Variants in UGT1A6 observed in about 807,000 individuals in gnomAD.
The protein encoded by UGT1A6 is UDP glucuronosyltransferase family 1 member A6.
In UGT1A6, 32 loss-of-function variants were observed where a neutral mutation model predicts 44.4. The ratio of observed to expected loss-of-function variants is 0.72; its 90% confidence interval spans 0.54 to 0.97. The LOEUF (loss-of-function observed/expected upper bound fraction) is 0.97, where lower values mean the gene tolerates loss of function less well. Ranked by LOEUF, UGT1A6 falls within the 50% of genes least tolerant of loss-of-function variation. The pLI is 0.00. For synonymous variants in UGT1A6, 238 were observed against 248.5 expected, an observed-to-expected ratio of 0.96 and a Z score of 0.40; for missense variants, 685 against 661.9, an observed-to-expected ratio of 1.03 and a Z score of -0.38.
chr2:233,760,308 C>T lies in UGT1A6; in HGVS notation c.862-6726C>T, dbSNP rs780253764. Reference sequence around the variant, plus strand: ...GCGCCATGGCTGTGGAGTCCCAGGGCGGACGCCCACTTGTCCTGGGCCTGC... The same window carrying T: ...GCGCCATGGCTGTGGAGTCCCAGGGTGGACGCCCACTTGTCCTGGGCCTGC... On this transcript the variant is annotated intron_variant, in intron 1 of 4. Transcript: ENST00000305139. 9.9e-6 allele frequency: 16 copies of T among 1,613,678 alleles called. No homozygotes were observed. The highest frequency in any genetic ancestry group is 1.7e-5 in the Admixed American group (1 of 60,028).
chr2:233,719,393 C>T (rs759794462), intron 1 of UGT1A6: 2 of 1,613,946 alleles, frequency 1.2e-6, no homozygotes, highest in Non-Finnish European at 1.7e-6. Context: ...CAAATCCTTC[C>T]TCCTATATTC....
chr2:233,713,010 G>A (rs778526502), intron 1 of UGT1A6: 3 of 1,613,638 alleles, frequency 1.9e-6, no homozygotes, highest in Non-Finnish European at 2.5e-6. Context: ...AGGACTCCAG[G>A]TTCCCCTGCC....
At chr2:233,739,806 T>C (rs11695770) in intron 1 of UGT1A6, among the ~76,000 whole-genome samples, 15,021 of 151,014 alleles carry the variant, frequency 0.099, 1,689 homozygotes, top group African/African-American at 0.28. Context: ...TGGGAAGGCA[T>C]GATTGGTTTT....
chr2:233,754,186 C>T (rs1695414743), intron 1 of UGT1A6: 1 of 159,716 alleles, frequency 6.3e-6, no homozygotes, highest in Non-Finnish European at 1.4e-5. Flanking sequence ...ATTTCACCAC[C>T]ACACAGTAAA....
At chr2:233,713,441 A>G in intron 1 of UGT1A6, 1 of 1,614,120 alleles carries the variant, frequency 6.2e-7, no homozygotes, top group Non-Finnish European at 8.5e-7. Flanking sequence ...ATGTGGTTCT[A>G]ACAGACCCCT....
At chr2:233,757,911 T>G (rs1423273798) in intron 1 of UGT1A6, among the ~76,000 whole-genome samples, 6 of 152,118 alleles carry the variant, frequency 3.9e-5, no homozygotes, top group Non-Finnish European at 8.8e-5. Flanking sequence ...GACGTGTCAC[T>G]CTTTAGCAGC....
chr2:233,772,274 C>T lies in UGT1A6; in HGVS notation c.1314C>T (p.Asn438=), dbSNP rs754238953. Residue 438 remains asparagine, a synonymous_variant, in exon 5 of 5, where the codon AAC becomes AAT. Coordinates refer to ENST00000305139, the MANE Select transcript of UGT1A6 (RefSeq NM_001072.4). ...TCTTTGTGTTTAGTTACAAGGAGAA[C>T]ATCATGCGCCTCTCCAGCCTTCACA... The part of the protein sequence containing the change: ...AVINDKSYKE[N]IMRLSSLHKD... 1.5e-5 allele frequency: 25 copies of T among 1,614,248 alleles called. No individual in the cohort carries two copies. The South Asian group carries it at 1.8e-4, about 11-fold the overall frequency.
intron 4 of UGT1A6, chr2:233,771,569 G>A (rs1337987311): frequency 6.6e-6 from 1 of 152,150 alleles, no homozygotes; most frequent in Non-Finnish European, 1.5e-5. Flanking sequence ...GGCCAGAGGT[G>A]GTTGTTTACA....
At chr2:233,694,448 G>A (rs559666180) in intron 1 of UGT1A6, among the ~76,000 whole-genome samples, 2 of 152,240 alleles carry the variant, frequency 1.3e-5, no homozygotes, top group Admixed American at 1.3e-4. Context: ...TTACTGACTG[G>A]CCTTTTCAGC....
intron 1 of UGT1A6, among the ~76,000 whole-genome samples, chr2:233,707,313 A>G (rs1246275498): frequency 6.6e-6 from 1 of 152,146 alleles, no homozygotes; most frequent in African/African-American, 2.4e-5. Context: ...TTTGTTACAT[A>G]GCTAAACATG....
At chr2:233,725,179 G>GAGAGGCAGAGGCAGAGGCAGAGGC (rs879478240) in intron 1 of UGT1A6, among the ~76,000 whole-genome samples, 3 of 67,606 alleles carry the variant, frequency 4.4e-5, no homozygotes, top group Non-Finnish European at 8.4e-5. Context: ...AGACCGTGGG[G>GAGAGGCAGAGGCAGAGGCAGAGGC]AGAGGCAGAG....
intron 1 of UGT1A6, among the ~76,000 whole-genome samples, chr2:233,724,775 C>T (rs2077310067): frequency 7.0e-6 from 1 of 142,494 alleles, no homozygotes; most frequent in Non-Finnish European, 1.5e-5. Context: ...GGCAGAGACA[C>T]TCCTCACTTC....
intron 1 of UGT1A6, chr2:233,719,222 T>G: frequency 6.2e-7 from 1 of 1,614,238 alleles, no homozygotes; most frequent in Non-Finnish European, 8.5e-7. Context: ...TACTGCATAA[T>G]GAGGCCCTGA....
Position 233,713,133 on chromosome 2 carries a change from T to G in UGT1A6, c.861+19268T>G, listed in dbSNP as rs775185611. On this transcript the variant is annotated intron_variant, in intron 1 of 4. Coordinates refer to ENST00000305139, the MANE Select transcript of UGT1A6 (RefSeq NM_001072.4). ...CCACTGGCTCAGCATGCGGGAGGCCTTGCGGGACCTCCATGCGAGAGGCCA... is the reference window on the plus strand; with the variant it reads ...CCACTGGCTCAGCATGCGGGAGGCCGTGCGGGACCTCCATGCGAGAGGCCA... 1.1e-5 allele frequency: 17 copies of G among 1,614,082 alleles called. No individual in the cohort carries two copies. In the South Asian group the frequency reaches 1.3e-4, roughly 13 times the overall value.
chr2:233,694,344 G>A (rs2075216072), intron 1 of UGT1A6, among the ~76,000 whole-genome samples: 1 of 150,486 alleles, frequency 6.6e-6, no homozygotes, highest in Admixed American at 6.6e-5. Context: ...GTTTTTATAT[G>A]GCCCAGAGCT....
At chr2:233,718,193 G>A (rs1200369383) in intron 1 of UGT1A6, among the ~76,000 whole-genome samples, 4 of 152,124 alleles carry the variant, frequency 2.6e-5, no homozygotes, top group Admixed American at 1.3e-4. Context: ...CAGCCTCCCC[G>A]GAGCTTTTTT....
chr2:233,765,595 AG>A (rs1698878767), intron 1 of UGT1A6, among the ~76,000 whole-genome samples: 1 of 152,004 alleles, frequency 6.6e-6, no homozygotes, highest in South Asian at 2.1e-4. Flanking sequence ...AACACACACC[AG>A]GGCTTGTGGC....
At chr2:233,755,270 G>A (rs1695837924) in intron 1 of UGT1A6, 1 of 756,192 alleles carries the variant, frequency 1.3e-6, no homozygotes, top group Non-Finnish European at 2.0e-6. Flanking sequence ...AGTCCACTAT[G>A]CTGGACTGCC....
chr2:233,702,732 C>A (rs1221378723), intron 1 of UGT1A6, among the ~76,000 whole-genome samples: 1 of 152,088 alleles, frequency 6.6e-6, no homozygotes, highest in African/African-American at 2.4e-5. Flanking sequence ...ACATGGTTTT[C>A]TTTTTGGTCC....
Sources: gnomAD v4.1 joint callset for allele counts (sites outside exome capture counted in the v4.1 genomes callset) on GRCh38, gnomAD v4.1.1 for gene constraint, MANE v1.5 for transcripts, NCBI Gene and HGNC (gene_info 2026-07-23, HGNC 2026-07-21) for gene names.